Variants in GPC5 observed in about 807,000 individuals in gnomAD.
The protein encoded by GPC5 is glypican-5.
Under a neutral mutation model 53.9 loss-of-function variants are expected in GPC5, and 47 were observed. That is an observed-to-expected ratio of 0.87 (90% CI 0.69 to 1.11). The LOEUF is 1.11. Ranked by LOEUF, GPC5 falls within the 50% of genes most tolerant of loss-of-function variation. The pLI is 0.00. For synonymous variants in GPC5, 286 were observed against 263.3 expected (o/e 1.09, Z -0.84); for missense variants, 748 against 713.1 (o/e 1.05, Z -0.56).
At chr13:91,527,813 C>G (rs968534437) in intron 2 of GPC5, among the ~76,000 whole-genome samples, 4 of 152,244 alleles carry the variant, frequency 2.6e-5, no homozygotes, top group African/African-American at 9.6e-5. Context: ...TGGCCCAGCA[C>G]CACATGCAAG....
chr13:92,166,954 TCTCA>T (rs1223535880), intron 7 of GPC5, among the ~76,000 whole-genome samples: 673 of 44,562 alleles, frequency 0.015, no homozygotes, highest in East Asian at 0.022. Flanking sequence ...TCTCTCTCTC[TCTCA>T]CACACACACA....
chr13:92,638,785 T>C (rs1396161745), intron 7 of GPC5, among the ~76,000 whole-genome samples: 1 of 152,170 alleles, frequency 6.6e-6, no homozygotes, highest in Non-Finnish European at 1.5e-5. Context: ...ACTCGTCAAC[T>C]CAGGGGAAGG....
chr13:92,391,993 A>G (rs1441299996), intron 7 of GPC5, among the ~76,000 whole-genome samples: 1 of 152,176 alleles, frequency 6.6e-6, no homozygotes, highest in Non-Finnish European at 1.5e-5. Context: ...TAATTTTAAT[A>G]AAAAATATAC....
In GPC5 at chr13:92,389,435, G is replaced by T. The variant is rs562462938; in HGVS notation, c.1561+244446G>T. ...ACACACCTTTCACACAAAGCAACCC[G>T]GGCAATTCTCTTCAAAAATGCATCA... On this transcript the variant is annotated intron_variant, in intron 7 of 7. Coordinates refer to ENST00000377067, the MANE Select transcript of GPC5 (RefSeq NM_004466.6). 2.0e-5 allele frequency among the ~76,000 whole-genome samples: 3 copies of T among 152,010 alleles called. No individual in the cohort carries two copies. The East Asian group carries it at 5.8e-4, about 29-fold the overall frequency.
chr13:92,477,046 A>AG (rs1879174947), intron 7 of GPC5, among the ~76,000 whole-genome samples: 1 of 120,764 alleles, frequency 8.3e-6, no homozygotes, highest in Non-Finnish European at 1.7e-5. Context: ...AAGTATAATA[A>AG]TAAAAAATAA....
In GPC5 at chr13:92,406,311, A is replaced by T. The variant is rs556576270; in HGVS notation, c.1561+261322A>T. Reference sequence around the variant, plus strand: ...TCATTGCTATTTTCTGTGAAACTCCAATTTTGGATCCCATTACCTAATCTG... The same window carrying T: ...TCATTGCTATTTTCTGTGAAACTCCTATTTTGGATCCCATTACCTAATCTG... On this transcript the variant is annotated intron_variant, in intron 7 of 7. Coordinates refer to ENST00000377067, the MANE Select transcript of GPC5 (RefSeq NM_004466.6). Among the ~76,000 whole-genome samples the T allele has an allele frequency of 3.6e-4, 55 of 152,286 alleles. 1 individual carries two copies. Among genetic ancestry groups the T allele is most frequent in the Middle Eastern group, 3.4e-3 (1 of 294 alleles).
intron 5 of GPC5, among the ~76,000 whole-genome samples, chr13:91,800,611 G>A (rs563610400): frequency 3.9e-5 from 6 of 152,072 alleles, no homozygotes; most frequent in Non-Finnish European, 8.8e-5. Flanking sequence ...TTTGTGCAGA[G>A]TACATAATAT....
intron 7 of GPC5, among the ~76,000 whole-genome samples, chr13:92,300,425 G>A (rs1373476839): frequency 6.6e-6 from 1 of 152,214 alleles, no homozygotes; most frequent in East Asian, 1.9e-4. Context: ...GGTTCTGTAG[G>A]CCTAGAGTGG....
chr13:92,274,710 T>G (rs993742906), intron 7 of GPC5, among the ~76,000 whole-genome samples: 2 of 152,114 alleles, frequency 1.3e-5, no homozygotes, highest in Non-Finnish European at 2.9e-5. Flanking sequence ...CACGTGACCC[T>G]CTCTAACATG....
At chr13:91,518,919 G>A (rs537431153) in intron 2 of GPC5, among the ~76,000 whole-genome samples, 1 of 152,242 alleles carries the variant, frequency 6.6e-6, no homozygotes, top group Non-Finnish European at 1.5e-5. Context: ...AAATCTGCAA[G>A]CAGTTCTCAC....
intron 6 of GPC5, among the ~76,000 whole-genome samples, chr13:91,968,153 G>C (rs1437564001): frequency 6.6e-6 from 1 of 151,876 alleles, no homozygotes; most frequent in Non-Finnish European, 1.5e-5. Context: ...TGTGTCCTTT[G>C]TTTAATTACA....
chr13:92,345,554 G>A (rs1013967998), intron 7 of GPC5, among the ~76,000 whole-genome samples: 5 of 152,056 alleles, frequency 3.3e-5, no homozygotes, highest in Admixed American at 6.6e-5. Flanking sequence ...TGAAAACCTT[G>A]ATACTTGGCA....
chr13:92,481,719 A>T (rs1047760973), intron 7 of GPC5, among the ~76,000 whole-genome samples: 9 of 152,104 alleles, frequency 5.9e-5, no homozygotes, highest in African/African-American at 1.9e-4. Flanking sequence ...CTTTTCTAAG[A>T]TCTACTGAAC....
At chr13:92,033,320 T>A (rs573250818) in intron 6 of GPC5, among the ~76,000 whole-genome samples, 102 of 152,270 alleles carry the variant, frequency 6.7e-4, no homozygotes, top group African/African-American at 2.3e-3. Context: ...AGACATGTAA[T>A]ACAATATCTT....
In GPC5 at chr13:92,324,743, C is replaced by T. The variant is rs2043238981; in HGVS notation, c.1561+179754C>T. ...TATAGCTGTACTATATATCATTCTA[C>T]TTATTATTATGTTAGTGACTTGACT... On this transcript the variant is annotated intron_variant, in intron 7 of 7. Transcript: ENST00000377067. Among the ~76,000 whole-genome samples, 3 of 151,626 alleles carry T rather than the reference C, an allele frequency of 2.0e-5. No homozygotes were observed. In the South Asian group the frequency reaches 6.2e-4, roughly 32 times the overall value.
intron 2 of GPC5, among the ~76,000 whole-genome samples, chr13:91,668,153 A>G (rs746668316): frequency 1.3e-5 from 2 of 152,194 alleles, no homozygotes; most frequent in Admixed American, 6.5e-5. Flanking sequence ...CCTTTTCTGC[A>G]TGAACCTATG....
chr13:91,787,999 C>T (rs2037905023), intron 5 of GPC5, among the ~76,000 whole-genome samples: 1 of 151,868 alleles, frequency 6.6e-6, no homozygotes, highest in South Asian at 2.1e-4. Context: ...AGGGTGAGAG[C>T]TTTTTTTTAA....
intron 7 of GPC5, among the ~76,000 whole-genome samples, chr13:92,822,788 A>C (rs545564018): frequency 6.6e-6 from 1 of 152,288 alleles, no homozygotes; most frequent in South Asian, 2.1e-4. Context: ...AAAAAGAAGC[A>C]GATGTATCTT....
chr13:91,551,198 A>C (rs1253773199), intron 2 of GPC5, among the ~76,000 whole-genome samples: 2 of 152,180 alleles, frequency 1.3e-5, no homozygotes, highest in African/African-American at 2.4e-5. Context: ...TCAGCTATAA[A>C]ATAAGTAGCT....
Sources: gnomAD v4.1 joint callset for allele counts (sites outside exome capture counted in the v4.1 genomes callset) on GRCh38, gnomAD v4.1.1 for gene constraint, MANE v1.5 for transcripts, NCBI Gene and HGNC (gene_info 2026-07-23, HGNC 2026-07-21) for gene names.